EPHA6: variants seen among roughly 807,000 people sequenced by gnomAD.
EPHA6 encodes EPH receptor A6.
EPHA6 carries 50 observed loss-of-function variants against 112.0 expected under a neutral mutation model. That is an observed-to-expected ratio of 0.45 (90% CI 0.36 to 0.56). The LOEUF (loss-of-function observed/expected upper bound fraction) is 0.56. Among genes scored for constraint, EPHA6 ranks in the 20% least tolerant of loss-of-function variants. The pLI is 0.00. For synonymous variants in EPHA6, 529 were observed against 490.7 expected (o/e 1.08, Z -1.03); for missense variants, 1,280 against 1,417.4 (o/e 0.90, Z 1.56).
At chr3:97,557,305 TA>T (rs1421019718) in intron 11 of EPHA6, among the ~76,000 whole-genome samples, 3 of 152,156 alleles carry the variant, frequency 2.0e-5, no homozygotes, top group Middle Eastern at 6.8e-3. Flanking sequence ...CAATTATTTG[TA>T]AAAGCACCTG....
At chr3:96,858,915 C>G (rs1210389523) in intron 1 of EPHA6, among the ~76,000 whole-genome samples, 1 of 152,084 alleles carries the variant, frequency 6.6e-6, no homozygotes, top group Non-Finnish European at 1.5e-5. Context: ...TTTATTTTTT[C>G]TAGAGACCAC....
intron 1 of EPHA6, among the ~76,000 whole-genome samples, chr3:96,841,091 A>T (rs1222075322): frequency 6.6e-6 from 1 of 151,942 alleles, no homozygotes; most frequent in Non-Finnish European, 1.5e-5. Flanking sequence ...TTCCAAGGAG[A>T]TGTGAGACAT....
chr3:97,293,104 A>G (rs2080752502), intron 5 of EPHA6, among the ~76,000 whole-genome samples: 1 of 150,134 alleles, frequency 6.7e-6, no homozygotes, highest in African/African-American at 2.5e-5. Flanking sequence ...GCAAGGGCCC[A>G]GCTCTCAGTG....
At chr3:97,491,047 A>G (rs2091825729) in intron 10 of EPHA6, among the ~76,000 whole-genome samples, 1 of 152,228 alleles carries the variant, frequency 6.6e-6, no homozygotes, top group Non-Finnish European at 1.5e-5. Context: ...CATCAAAGCC[A>G]GCAACAGAGT....
intron 14 of EPHA6, among the ~76,000 whole-genome samples, chr3:97,644,268 C>T (rs2094036997): frequency 6.7e-6 from 1 of 150,148 alleles, no homozygotes; most frequent in Non-Finnish European, 1.5e-5. Context: ...ATACCAGAAT[C>T]TCTGGGACGC....
intron 2 of EPHA6, among the ~76,000 whole-genome samples, chr3:96,869,181 C>G (rs2036497864): frequency 6.6e-6 from 1 of 151,944 alleles, no homozygotes; most frequent in Admixed American, 6.6e-5. Context: ...ATGCCAAATA[C>G]CCTGTTATTG....
At chr3:97,652,005 C>G (rs1340190194) in intron 14 of EPHA6, among the ~76,000 whole-genome samples, 1 of 151,966 alleles carries the variant, frequency 6.6e-6, no homozygotes, top group Non-Finnish European at 1.5e-5. Flanking sequence ...CTAACCCCAC[C>G]TCTGTCTAGT....
chr3:97,018,416 G>A (rs951041268), intron 3 of EPHA6, among the ~76,000 whole-genome samples: 1 of 152,030 alleles, frequency 6.6e-6, no homozygotes, highest in African/African-American at 2.4e-5. Flanking sequence ...CAAATGCCAG[G>A]CTGCACTGAT....
intron 3 of EPHA6, among the ~76,000 whole-genome samples, chr3:97,122,216 G>A (rs998732850): frequency 1.4e-4 from 22 of 151,964 alleles, no homozygotes; most frequent in African/African-American, 4.6e-4. Context: ...ACTTCAGTTT[G>A]GTCCACTCTC....
At chr3:97,422,933 G>A (rs1389274728) in intron 6 of EPHA6, among the ~76,000 whole-genome samples, 4 of 152,106 alleles carry the variant, frequency 2.6e-5, no homozygotes, top group Admixed American at 1.3e-4. Flanking sequence ...TGCAGAAAAG[G>A]CTTTCAGTAA....
In EPHA6 at chr3:97,399,604, T is replaced by G. The variant is rs566104747; in HGVS notation, c.1607-5546T>G. On this transcript the variant is annotated intron_variant, in intron 5 of 17. Transcript: ENST00000389672. The stretch of plus-strand genomic sequence containing the variant: ...TATCCTTACCAGCACTGGTTATTTA[T>G]TTTCTTTTTGATAATAGCTATCCAA... Among the ~76,000 whole-genome samples, 7 of 151,892 alleles carry G rather than the reference T, an allele frequency of 4.6e-5. No individual in the cohort carries two copies. In the South Asian group the frequency reaches 1.2e-3, roughly 27 times the overall value.
intron 3 of EPHA6, among the ~76,000 whole-genome samples, chr3:97,171,481 G>A (rs1283499666): frequency 6.6e-6 from 1 of 152,084 alleles, no homozygotes; most frequent in Middle Eastern, 3.4e-3. Context: ...GAATTAATAG[G>A]AATGGAGAAG....
At chr3:97,487,168 G>C (rs2107508701) in intron 10 of EPHA6, among the ~76,000 whole-genome samples, 1 of 152,294 alleles carries the variant, frequency 6.6e-6, no homozygotes, top group Middle Eastern at 3.4e-3. Context: ...ATGGCAAGGA[G>C]TACTTAGATT....
chr3:97,476,708 T>C (rs1287652775), intron 8 of EPHA6, among the ~76,000 whole-genome samples: 1 of 152,114 alleles, frequency 6.6e-6, no homozygotes, highest in Non-Finnish European at 1.5e-5. Context: ...GTATTAGATA[T>C]AGTTGTAACA....
intron 3 of EPHA6, among the ~76,000 whole-genome samples, chr3:97,214,030 T>TGA (rs1250513369): frequency 3.5e-5 from 5 of 143,862 alleles, no homozygotes; most frequent in African/African-American, 1.4e-4. Context: ...TGTGTGTGTG[T>TGA]GTGTGTGTGA....
At chr3:97,287,620 G>T (rs2108678771) in intron 5 of EPHA6, among the ~76,000 whole-genome samples, 1 of 152,270 alleles carries the variant, frequency 6.6e-6, no homozygotes, top group Middle Eastern at 3.4e-3. Context: ...TTTTTATCAT[G>T]AAGGGATGTT....
At chr3:97,045,594 T>C (rs1383363474) in intron 3 of EPHA6, among the ~76,000 whole-genome samples, 1 of 151,910 alleles carries the variant, frequency 6.6e-6, no homozygotes, top group Non-Finnish European at 1.5e-5. Flanking sequence ...TCAAAAGAAA[T>C]CATCATAAGT....
At chr3:97,456,047 G>GT (rs1462192020) in intron 7 of EPHA6, among the ~76,000 whole-genome samples, 2 of 151,950 alleles carry the variant, frequency 1.3e-5, no homozygotes, top group Admixed American at 6.6e-5. Context: ...TAAAATGTGC[G>GT]TATCAAAGGG....
chr3:97,329,850 T>C (rs1412896442), intron 5 of EPHA6, among the ~76,000 whole-genome samples: 1 of 152,074 alleles, frequency 6.6e-6, no homozygotes, highest in Non-Finnish European at 1.5e-5. Flanking sequence ...TTTTGGCTTT[T>C]GTTGCCATTG....
Sources: allele counts gnomAD v4.1 joint callset (sites outside exome capture counted in the v4.1 genomes callset), GRCh38; gene constraint gnomAD v4.1.1; transcripts MANE v1.5; gene names NCBI Gene and HGNC (gene_info 2026-07-23, HGNC 2026-07-21).